The following SESTD1 variants were observed in gnomAD, a reference collection of about 807,000 sequenced individuals.
SESTD1 encodes the protein SEC14 and spectrin domain containing 1.
In SESTD1, 43 loss-of-function variants were observed where a neutral mutation model predicts 101.7. The ratio of observed to expected loss-of-function variants is 0.42; its 90% CI spans 0.33 to 0.55. SESTD1 has a LOEUF of 0.55. SESTD1 is among the 20% of genes least tolerant of loss of function. SESTD1 has a pLI of 0.07. For missense variants in SESTD1, 647 were observed against 815.1 expected (o/e 0.79, Z 2.51); for synonymous variants, 283 against 286.8 (o/e 0.99, Z 0.13).
At chr2:179,144,129 T>A (rs1339758684) in intron 8 of SESTD1, among the ~76,000 whole-genome samples, 1 of 152,022 alleles carries the variant, frequency 6.6e-6, no homozygotes, top group Non-Finnish European at 1.5e-5. Context: ...TATTTTTTTT[T>A]ATCAATCACA....
chr2:179,183,166 G>T lies in SESTD1; in HGVS notation c.78C>A (p.Gly26=). Residue 26 remains glycine, a synonymous_variant, in exon 3 of 18, where the codon GGC becomes GGA. Coordinates refer to ENST00000428443, the MANE Select transcript of SESTD1 (RefSeq NM_178123.5). ...FLSGGKDRRS[G]LILTIPLCLE... is the part of the protein sequence containing the mutation. ...GGCATAATGGAATTGTCAAAATGAG[G>T]CCACTCCGTCTGTCTTTTCCTCCTA... 6.2e-7 allele frequency: 1 copy of T among 1,611,070 alleles called. No homozygotes were observed. The highest frequency in any genetic ancestry group is 1.3e-5 in the African/African-American group (1 of 74,840).
At chr2:179,115,937 G>A (rs2044621152) in intron 15 of SESTD1, among the ~76,000 whole-genome samples, 1 of 152,034 alleles carries the variant, frequency 6.6e-6, no homozygotes, top group African/African-American at 2.4e-5. Context: ...TTCCATATAG[G>A]AAACTACATC....
In SESTD1 at chr2:179,161,520, G is replaced by C. The variant is rs1453127166; in HGVS notation, c.370-10129C>G. On this transcript the variant is annotated intron_variant, in intron 5 of 17. Coordinates refer to ENST00000428443, the MANE Select transcript of SESTD1 (RefSeq NM_178123.5). Reference sequence around the variant, plus strand: ...TACTAAAAATGCAAAAATGTGCTGGGCGTGGTGGCACATGCCTGCAGTCCC... The same window carrying C: ...TACTAAAAATGCAAAAATGTGCTGGCCGTGGTGGCACATGCCTGCAGTCCC... Among the ~76,000 whole-genome samples the C allele has an allele frequency of 3.3e-5, 5 of 152,128 alleles. No homozygotes were observed. In the East Asian group the frequency reaches 9.7e-4, roughly 30 times the overall value.
chr2:179,156,162 GTA>G (rs1216536300), intron 5 of SESTD1, among the ~76,000 whole-genome samples: 5 of 151,544 alleles, frequency 3.3e-5, no homozygotes, highest in African/African-American at 1.2e-4. Flanking sequence ...GTGTATATAT[GTA>G]TATGTGTGTG....
chr2:179,146,337 T>C, intron 8 of SESTD1, 65 bp downstream of exon 8: 1 of 1,405,886 alleles, frequency 7.1e-7, no homozygotes, highest in Admixed American at 1.8e-5. Flanking sequence ...TTCATGTTTA[T>C]TTAATGAACG....
chr2:179,143,842 AG>A, intron 8 of SESTD1, 39 bp from the exon 9 acceptor site: 2 of 1,594,690 alleles, frequency 1.3e-6, no homozygotes, highest in Non-Finnish European at 1.7e-6. Flanking sequence ...ATATCTGTAA[AG>A]AAATGTAATT....
At chr2:179,156,185 CAT>C (rs200104530) in intron 5 of SESTD1, among the ~76,000 whole-genome samples, 1 of 151,608 alleles carries the variant, frequency 6.6e-6, no homozygotes, top group Non-Finnish European at 1.5e-5. Flanking sequence ...TATATATACA[CAT>C]ATATATATCA....
chr2:179,171,467 G>C (rs1223975674), intron 5 of SESTD1, among the ~76,000 whole-genome samples: 1 of 152,080 alleles, frequency 6.6e-6, no homozygotes, highest in African/African-American at 2.4e-5. Context: ...TATTATACCA[G>C]GTTGGAGTTA....
chr2:179,169,025 ATT>A (rs1167733858), intron 5 of SESTD1, among the ~76,000 whole-genome samples: 1 of 152,160 alleles, frequency 6.6e-6, no homozygotes, highest in Admixed American at 6.5e-5. Context: ...GTGAGGTGTA[ATT>A]ATAAAAAATA....
At chr2:179,243,867 C>T (rs1332604283) in intron 1 of SESTD1, among the ~76,000 whole-genome samples, 2 of 150,982 alleles carry the variant, frequency 1.3e-5, no homozygotes, top group Non-Finnish European at 1.5e-5. Context: ...GCACTACACC[C>T]ATGTAACAAA....
At chr2:179,247,439 G>A (rs571111529) in intron 1 of SESTD1, among the ~76,000 whole-genome samples, 18 of 152,148 alleles carry the variant, frequency 1.2e-4, no homozygotes, top group Admixed American at 5.2e-4. Context: ...TTTGTTTTAA[G>A]AGACAGGGTC....
intron 1 of SESTD1, among the ~76,000 whole-genome samples, chr2:179,224,572 C>T (rs916846526): frequency 2.6e-5 from 4 of 152,114 alleles, no homozygotes; most frequent in Admixed American, 6.6e-5. Context: ...GGATGGGGGC[C>T]GGTTGCCAGG....
chr2:179,128,632 G>A (rs2044934062), intron 10 of SESTD1, among the ~76,000 whole-genome samples: 1 of 151,832 alleles, frequency 6.6e-6, no homozygotes, highest in Non-Finnish European at 1.5e-5. Context: ...TGGAGGCTGA[G>A]GCAGGAGAAT....
At chr2:179,254,037 C>T (rs1574070471) in intron 1 of SESTD1, among the ~76,000 whole-genome samples, 1 of 151,874 alleles carries the variant, frequency 6.6e-6, no homozygotes, top group Non-Finnish European at 1.5e-5. Context: ...AAGGTTGAGG[C>T]TGCAGAGAAC....
chr2:179,179,572 T>A (rs1469180576), intron 3 of SESTD1, among the ~76,000 whole-genome samples: 1 of 152,248 alleles, frequency 6.6e-6, no homozygotes, highest in Non-Finnish European at 1.5e-5. Flanking sequence ...CACTTATGCT[T>A]TTATTATAAT....
intron 1 of SESTD1, among the ~76,000 whole-genome samples, chr2:179,216,340 T>C (rs2046720702): frequency 1.5e-5 from 2 of 134,374 alleles, no homozygotes; most frequent in East Asian, 2.0e-4. Flanking sequence ...TATACACCAA[T>C]AACAGACACA....
At chr2:179,134,148 CCACAAATACCAAGGGA>C (rs141377826) in intron 9 of SESTD1, among the ~76,000 whole-genome samples, 8,371 of 152,212 alleles carry the variant, frequency 0.055, 316 homozygotes, top group South Asian at 0.14. Context: ...AACCAATCCA[CCACAAATACCAAGGGA>C]CAACCATATT....
intron 1 of SESTD1, among the ~76,000 whole-genome samples, chr2:179,250,499 C>T (rs949321221): frequency 2.0e-5 from 3 of 152,252 alleles, no homozygotes; most frequent in South Asian, 2.1e-4. Context: ...TAGAAGTCCA[C>T]GATTAAGGTG....
intron 2 of SESTD1, among the ~76,000 whole-genome samples, chr2:179,185,734 A>AATATAGCATATTAT (rs375623753): frequency 1.8e-5 from 1 of 55,158 alleles, no homozygotes; most frequent in Non-Finnish European, 3.1e-5. Flanking sequence ...TATTATATAT[A>AATATAGCATATTAT]ATATAATATA....
Sources: allele counts gnomAD v4.1 joint callset (sites outside exome capture counted in the v4.1 genomes callset), GRCh38; gene constraint gnomAD v4.1.1; transcripts MANE v1.5; gene names NCBI Gene and HGNC (gene_info 2026-07-23, HGNC 2026-07-21).